PRDM14: variants seen among roughly 807,000 people sequenced by gnomAD.
The protein encoded by PRDM14 is PR/SET domain 14.
Under a neutral mutation model 48.0 loss-of-function variants are expected in PRDM14, and 16 were observed. The ratio of observed to expected loss-of-function variants is 0.33; its 90% CI spans 0.23 to 0.51. PRDM14 has a LOEUF of 0.51. Among genes scored for constraint, PRDM14 ranks in the 20% least tolerant of loss-of-function variants. PRDM14 has a pLI of 0.97. For missense variants in PRDM14, 566 were observed against 719.6 expected (o/e 0.79, Z 2.44); for synonymous variants, 264 against 276.6 (o/e 0.95, Z 0.45).
chr8:70,068,083 C>G, intron 4 of PRDM14, 147 bp downstream of exon 4: 9 of 885,342 alleles, frequency 1.0e-5, no homozygotes, highest in Non-Finnish European at 1.6e-5. Flanking sequence ...CCGTTCCTTC[C>G]TTTTACAGGC....
chr8:70,070,382 C>T (rs1307370535), intron 1 of PRDM14, among the ~76,000 whole-genome samples: 8 of 152,290 alleles, frequency 5.3e-5, no homozygotes, highest in African/African-American at 1.9e-4. Context: ...GCGACAGCTC[C>T]AGGCGCTCCT....
chr8:70,069,240 G>C lies in PRDM14; in HGVS notation c.621C>G (p.Tyr207Ter), dbSNP rs767141627. Residue 207 changes from tyrosine to a stop codon, truncating the protein, a stop_gained, in exon 2 of 8, where the codon TAC becomes TAG. Coordinates refer to ENST00000276594, the MANE Select transcript of PRDM14 (RefSeq NM_024504.4). LOFTEE classifies it high-confidence loss of function. ...GGTGCTCCAGGCTGGGAGTGACCCC[G>C]TACAGAACGAAGTGCAGGTCCTCCT... ...FTEEDLHFVL[Y>*]GVTPSLEHPA... 1.9e-6 allele frequency: 3 copies of C among 1,600,012 alleles called. No individual in the cohort carries two copies.
At chr8:70,063,838 C>T (rs1013977804) in intron 5 of PRDM14, among the ~76,000 whole-genome samples, 2 of 152,058 alleles carry the variant, frequency 1.3e-5, no homozygotes, top group Admixed American at 6.6e-5. Context: ...ACTTTTATTT[C>T]GAAAGGAGTT....
intron 5 of PRDM14, among the ~76,000 whole-genome samples, chr8:70,064,062 G>A (rs1476346584): frequency 3.9e-5 from 6 of 152,114 alleles, no homozygotes; most frequent in African/African-American, 1.2e-4. Flanking sequence ...GAGGCGATCA[G>A]AACAAGCAAC....
chr8:70,056,435 G>A (rs1295798524), intron 6 of PRDM14, among the ~76,000 whole-genome samples: 1 of 152,210 alleles, frequency 6.6e-6, no homozygotes, highest in African/African-American at 2.4e-5. Context: ...TTCCAGGCAT[G>A]CTTATGGGGC....
intron 6 of PRDM14, 107 bp from the exon 7 acceptor site, chr8:70,055,508 TC>T (rs1805458121): frequency 8.7e-6 from 5 of 576,320 alleles, no homozygotes; most frequent in Middle Eastern, 4.4e-4. Context: ...CCAATTTTTT[TC>T]TTTTTTTTTT....
At chr8:70,053,067 C>T (rs1239349972) in intron 7 of PRDM14, among the ~76,000 whole-genome samples, 1 of 144,892 alleles carries the variant, frequency 6.9e-6, no homozygotes, top group Non-Finnish European at 1.5e-5. Flanking sequence ...CACTGCACTC[C>T]AGCCTGGGTA....
At chr8:70,055,263 G>A in intron 7 of PRDM14, 37 bp downstream of exon 7, 1 of 1,206,688 alleles carries the variant, frequency 8.3e-7, no homozygotes, top group Non-Finnish European at 1.2e-6. Context: ...CTCAAGCAGA[G>A]CTCAGGACAC....
In PRDM14 at chr8:70,069,058, T is replaced by C. The variant is rs972262372; in HGVS notation, c.700+103A>G. On this transcript the variant is annotated intron_variant, in intron 2 of 7. Coordinates refer to ENST00000276594, the MANE Select transcript of PRDM14 (RefSeq NM_024504.4). ...TGGAGGTACTTCCCCCTTCCCGCAC[T>C]CTGCAGCCTCAGCTCCACCTGGAAG... 85 of 915,174 alleles carry C rather than the reference T, an allele frequency of 9.3e-5. No homozygotes were observed. The Admixed American group carries it at 1.0e-3, about 11-fold the overall frequency. 56.7% of individuals were successfully genotyped at this position (915,174 alleles called of 1,614,324 possible). A position where few individuals can be genotyped will look rare whatever the true frequency, so the allele number is the denominator to read the frequency against.
At chr8:70,059,680 C>T (rs764915974) in intron 5 of PRDM14, among the ~76,000 whole-genome samples, 6 of 152,148 alleles carry the variant, frequency 3.9e-5, no homozygotes, top group African/African-American at 9.7e-5. Context: ...TTGACCAACT[C>T]GTAACTAATT....
chr8:70,063,494 CT>C (rs1371804052), intron 5 of PRDM14, among the ~76,000 whole-genome samples: 1 of 151,972 alleles, frequency 6.6e-6, no homozygotes, highest in East Asian at 1.9e-4. Context: ...TAAGCAGATA[CT>C]TTTCTCAAAT....
intron 5 of PRDM14, among the ~76,000 whole-genome samples, chr8:70,063,551 TCTCA>T (rs1805618853): frequency 6.6e-6 from 1 of 151,902 alleles, no homozygotes; most frequent in Non-Finnish European, 1.5e-5. Flanking sequence ...TGAGATGGAG[TCTCA>T]CTCTGTCACC....
rs1018830448 is a variant in PRDM14, at chr8:70,051,889, G to C, written c.*188C>G. 27 of 519,070 alleles carry C rather than the reference G, an allele frequency of 5.2e-5. No individual in the cohort carries two copies. Among genetic ancestry groups the C allele is most frequent in the African/African-American group, 4.4e-4 (23 of 52,212 alleles). The allele number at this position is 519,070 out of a possible 1,614,324, so 32.2% of individuals were successfully genotyped here. A position where few individuals can be genotyped will look rare whatever the true frequency, so the allele number is the denominator to read the frequency against. ...TGTGCTCAAACCATCCTGCCACCTC[G>C]ACCTCCTGAGTGGCTGGAACCACAG... On this transcript the variant is annotated 3_prime_UTR_variant, in exon 8 of 8. Transcript: ENST00000276594.
intron 7 of PRDM14, 55 bp downstream of exon 7, chr8:70,055,245 C>T: frequency 1.0e-6 from 1 of 981,940 alleles, no homozygotes; most frequent in Non-Finnish European, 1.6e-6. Flanking sequence ...AGTTCTTATC[C>T]ATAGACACTC....
At chr8:70,058,523 G>T in intron 6 of PRDM14, 117 bp downstream of exon 6, 4 of 807,906 alleles carry the variant, frequency 5.0e-6, no homozygotes, top group Non-Finnish European at 6.2e-6. Flanking sequence ...TTCAGAGAGG[G>T]TGTCCGTCAG....
chr8:70,055,506 TTTC>T (rs1381102457), intron 6 of PRDM14, 105 bp from the exon 7 acceptor site: 3 of 586,932 alleles, frequency 5.1e-6, no homozygotes, highest in East Asian at 6.2e-5. Flanking sequence ...TTCCAATTTT[TTTC>T]TTTTTTTTTT....
rs1805687726 is a variant in PRDM14, at chr8:70,067,491, C to T, written c.912+739G>A. ...TGAGATCACGCCACTGCACTCCAAC[C>T]TGGGTAACAGACAAAAACTCCGTCT... On this transcript the variant is annotated intron_variant, in intron 4 of 7. Transcript: ENST00000276594. Among the ~76,000 whole-genome samples, 4 of 148,504 alleles carry T rather than the reference C, an allele frequency of 2.7e-5. 1 individual carries two copies. The highest frequency in any genetic ancestry group is 3.9e-4 in the East Asian group (2 of 5,076).
At position 70,059,276 on chromosome 8, in the gene PRDM14, C is replaced by CT. The variant is rs1306697343; in HGVS notation, c.1184-435dup. ...GGTCAAGAGAATTTTCTTTTCTTTT[C>CT]TTTTTTTTTTTTTGAGATGGAGTCT... On this transcript the variant is annotated intron_variant, in intron 5 of 7. Coordinates refer to ENST00000276594, the MANE Select transcript of PRDM14 (RefSeq NM_024504.4). Among the ~76,000 whole-genome samples the CT allele has an allele frequency of 4.5e-3, 650 of 143,258 alleles. 4 individuals are homozygous for CT. The highest frequency in any genetic ancestry group is 0.018 in the Middle Eastern group (5 of 274). The allele number at this position is 143,258 out of a possible 152,430, so 94.0% of individuals were successfully genotyped here. A position where few individuals can be genotyped will look rare whatever the true frequency, so the allele number is the denominator to read the frequency against.
chr8:70,055,258 G>T, intron 7 of PRDM14, 42 bp downstream of exon 7: 1 of 1,140,054 alleles, frequency 8.8e-7, no homozygotes, highest in Non-Finnish European at 1.3e-6. Context: ...AGACACTCAA[G>T]CAGAGCTCAG....
Sources: allele counts gnomAD v4.1 joint callset (sites outside exome capture counted in the v4.1 genomes callset), GRCh38; gene constraint gnomAD v4.1.1; transcripts MANE v1.5; gene names NCBI Gene and HGNC (gene_info 2026-07-23, HGNC 2026-07-21).